Variants in GALNT16 observed in about 807,000 individuals in gnomAD.
The protein encoded by GALNT16 is UDP-GalNAc:polypeptide N-acetylgalactosaminyltransferase-like protein 1.
GALNT16 carries 40 observed loss-of-function variants against 76.1 expected under a neutral mutation model. That is an observed-to-expected ratio of 0.53 (90% CI 0.41 to 0.68). The LOEUF (loss-of-function observed/expected upper bound fraction) is 0.68, where lower values mean the gene tolerates loss of function less well. GALNT16 is among the 30% of genes least tolerant of loss of function. The probability of loss-of-function intolerance (pLI) is 0.00; values close to 1 mark genes in which losing one functional copy is unlikely to be tolerated. For missense variants in GALNT16, 621 were observed against 731.9 expected, an observed-to-expected ratio of 0.85 and a Z score of 1.75; for synonymous variants, 276 against 285.2, an observed-to-expected ratio of 0.97 and a Z score of 0.32.
chr14:69,310,270 C>CT (rs1204352302), intron 1 of GALNT16, among the ~76,000 whole-genome samples: 1 of 149,930 alleles, frequency 6.7e-6, no homozygotes, highest in Non-Finnish European at 1.5e-5. Context: ...TATGGTATAT[C>CT]TTAAAACCTG....
intron 10 of GALNT16, among the ~76,000 whole-genome samples, chr14:69,339,305 C>T (rs899116104): frequency 1.3e-5 from 2 of 152,176 alleles, no homozygotes; most frequent in African/African-American, 2.4e-5. Flanking sequence ...ATTCGTACAG[C>T]GTCTGGAGCA....
chr14:69,378,605 T>C, the GALNT16 span, among the ~76,000 whole-genome samples: 1 of 152,196 alleles, frequency 6.6e-6, no homozygotes, highest in Non-Finnish European at 1.5e-5. Flanking sequence ...CCAGTTCTAG[T>C]CTTCCTTAAG....
chr14:69,347,996 CAAG>C lies in GALNT16; in HGVS notation c.1534_1536del (p.Lys512del). ...TGCAGATGTGCAACCCTAGAGAAGGCAAGCAGGTGAGTCTCCTTGCCTCTGGCC... is the reference window on the plus strand; with the variant it reads ...TGCAGATGTGCAACCCTAGAGAAGGCCAGGTGAGTCTCCTTGCCTCTGGCC... On this transcript the variant is annotated inframe_deletion, in exon 14 of 15. Coordinates refer to ENST00000448469, the MANE Select transcript of GALNT16 (RefSeq NM_001168368.2). The C allele has an allele frequency of 6.2e-7, 1 of 1,614,054 alleles. No individual in the cohort carries two copies. The highest frequency in any genetic ancestry group is 2.2e-5 in the East Asian group (1 of 44,872).
At chr14:69,276,258 G>A (rs548270831) in intron 1 of GALNT16, among the ~76,000 whole-genome samples, 1 of 152,314 alleles carries the variant, frequency 6.6e-6, no homozygotes, top group East Asian at 1.9e-4. Context: ...AAGATACACA[G>A]CGCACTTATG....
At chr14:69,287,322 G>A (rs1235611195) in intron 1 of GALNT16, among the ~76,000 whole-genome samples, 1 of 152,208 alleles carries the variant, frequency 6.6e-6, no homozygotes, top group African/African-American at 2.4e-5. Context: ...GCTGTTGCAG[G>A]CCCAGCACAG....
At chr14:69,308,533 TTTAA>T (rs762840379) in intron 1 of GALNT16, among the ~76,000 whole-genome samples, 25 of 152,380 alleles carry the variant, frequency 1.6e-4, no homozygotes, top group Middle Eastern at 3.4e-3. Flanking sequence ...TAAAGTATAC[TTTAA>T]TTAATCAGTT....
chr14:69,363,677 T>TGAATGAATG, the GALNT16 span, among the ~76,000 whole-genome samples: 5 of 151,862 alleles, frequency 3.3e-5, no homozygotes, highest in Admixed American at 6.6e-5. Context: ...AAGTGTGTGC[T>TGAATGAATG]AATGAATGAA....
In GALNT16 at chr14:69,322,924, GGGTGTGTGTGTGTGTGTGTGTGT is replaced by G. The variant is rs1282869483; in HGVS notation, c.336-1766_336-1744del. ...AAAAAGAAAGCTGAGGTGGCTCACGGGGTGTGTGTGTGTGTGTGTGTGTGTGTGTGTGTGTGTGTGTGTGTGTG... is the reference window on the plus strand; with the variant it reads ...AAAAAGAAAGCTGAGGTGGCTCACGGGTGTGTGTGTGTGTGTGTGTGTGTG... On this transcript the variant is annotated intron_variant, in intron 2 of 14. Coordinates refer to ENST00000448469, the MANE Select transcript of GALNT16 (RefSeq NM_001168368.2). Among the ~76,000 whole-genome samples the G allele has an allele frequency of 1.3e-4, 14 of 104,708 alleles. 1 individual carries two copies. Among genetic ancestry groups the G allele is most frequent in the African/African-American group, 4.6e-4 (12 of 26,140 alleles). The allele number at this position is 104,708 out of a possible 152,430, so 68.7% of individuals were successfully genotyped here.
At chr14:69,347,217 G>C (rs2140200459) in intron 13 of GALNT16, 36 bp downstream of exon 13, 1 of 1,560,124 alleles carries the variant, frequency 6.4e-7, no homozygotes, top group East Asian at 2.3e-5. Flanking sequence ...GTGGGAGAGA[G>C]CTGGAGGCAT....
intron 6 of GALNT16, among the ~76,000 whole-genome samples, chr14:69,331,155 A>G (rs943036661): frequency 2.0e-5 from 3 of 152,182 alleles, no homozygotes; most frequent in African/African-American, 7.2e-5. Context: ...AGAGGAAAAA[A>G]TCCTTCAGCC....
Position 69,325,972 on chromosome 14 carries a change from T to C in GALNT16, c.513T>C (p.Cys171=), listed in dbSNP as rs1286181001. The C allele has an allele frequency of 5.6e-6, 9 of 1,613,976 alleles. No homozygotes were observed. Among genetic ancestry groups the C allele is most frequent in the Middle Eastern group, 3.3e-4 (2 of 6,060 alleles). The change falls in exon 5 of 15, where the codon TGT becomes TGC. Residue 171 remains cysteine, a synonymous_variant. Coordinates refer to ENST00000448469, the MANE Select transcript of GALNT16 (RefSeq NM_001168368.2). ...VDDFSSDPED[C]LLLTRIPKVK... Reference sequence around the variant, plus strand: ...TCTTTGCATCCTCAGCGGAAGACTGTCTACTCCTGACCAGGATCCCCAAGG... The same window carrying C: ...TCTTTGCATCCTCAGCGGAAGACTGCCTACTCCTGACCAGGATCCCCAAGG...
intron 1 of GALNT16, among the ~76,000 whole-genome samples, chr14:69,308,012 C>G (rs745836060): frequency 2.0e-5 from 3 of 152,190 alleles, no homozygotes; most frequent in Non-Finnish European, 4.4e-5. Context: ...GCACCTCCCA[C>G]CCCGACTCTG....
At chr14:69,339,298 C>T (rs914055233) in intron 10 of GALNT16, among the ~76,000 whole-genome samples, 6 of 152,158 alleles carry the variant, frequency 3.9e-5, no homozygotes, top group African/African-American at 1.2e-4. Flanking sequence ...CATGCTTATT[C>T]GTACAGCGTC....
At chr14:69,334,746 C>A (rs1422491382) in intron 9 of GALNT16, among the ~76,000 whole-genome samples, 5 of 152,178 alleles carry the variant, frequency 3.3e-5, no homozygotes. Flanking sequence ...CTACCCCCAC[C>A]CCGTCATCTC....
At chr14:69,281,665 C>T (rs1186630363) in intron 1 of GALNT16, among the ~76,000 whole-genome samples, 1 of 152,170 alleles carries the variant, frequency 6.6e-6, no homozygotes, top group African/African-American at 2.4e-5. Flanking sequence ...CACTCCTGGG[C>T]TTCATGTGCT....
At chr14:69,275,226 G>A (rs1046063010) in intron 1 of GALNT16, among the ~76,000 whole-genome samples, 2 of 152,180 alleles carry the variant, frequency 1.3e-5, no homozygotes, top group African/African-American at 4.8e-5. Context: ...CCTGCAATTG[G>A]CTTAGCCTCT....
chr14:69,358,931 T>C (rs2045708492), downstream of GALNT16: 1 of 152,310 alleles, frequency 6.6e-6, no homozygotes, highest in African/African-American at 2.4e-5. Context: ...TTTCTCTTGT[T>C]TGTGCTTTTG....
rs2045647420 is a variant in GALNT16 at position 69,352,246 on chromosome 14, T to C, written c.*78T>C. On this transcript the variant is annotated 3_prime_UTR_variant, in exon 15 of 15. Coordinates refer to ENST00000448469, the MANE Select transcript of GALNT16 (RefSeq NM_001168368.2). ...GGGGTTAGGGTGGGGGAGTGCAAAG[T>C]GGGCTGTTCCCATCTCCTCACATTT... 1 of 1,279,934 alleles carries C rather than the reference T, an allele frequency of 7.8e-7. No individual in the cohort carries two copies. Among genetic ancestry groups the C allele is most frequent in the Non-Finnish European group, 1.1e-6 (1 of 934,604 alleles). 79.3% of individuals were successfully genotyped at this position (1,279,934 alleles called of 1,614,324 possible). A position where few individuals can be genotyped will look rare whatever the true frequency, so the allele number is the denominator to read the frequency against.
At position 69,322,924 on chromosome 14, in the gene GALNT16, GGGT is replaced by G. The variant is rs1416303007; in HGVS notation, c.336-1766_336-1764del. Reference sequence around the variant, plus strand: ...AAAAAGAAAGCTGAGGTGGCTCACGGGGTGTGTGTGTGTGTGTGTGTGTGTGTG... The same window carrying G: ...AAAAAGAAAGCTGAGGTGGCTCACGGGTGTGTGTGTGTGTGTGTGTGTGTG... On this transcript the variant is annotated intron_variant, in intron 2 of 14. Coordinates refer to ENST00000448469, the MANE Select transcript of GALNT16 (RefSeq NM_001168368.2). Among the ~76,000 whole-genome samples, 19 of 104,708 alleles carry G rather than the reference GGGT, an allele frequency of 1.8e-4. No individual in the cohort carries two copies. The East Asian group carries it at 3.2e-3, about 18-fold the overall frequency. The allele number at this position is 104,708 out of a possible 152,430, so 68.7% of individuals were successfully genotyped here.
Sources: allele counts gnomAD v4.1 joint callset (sites outside exome capture counted in the v4.1 genomes callset), GRCh38; gene constraint gnomAD v4.1.1; transcripts MANE v1.5; gene names NCBI Gene and HGNC (gene_info 2026-07-23, HGNC 2026-07-21).